The following IL1RAPL1 variants were observed in gnomAD, a reference collection of about 807,000 sequenced individuals.
IL1RAPL1 encodes the protein interleukin 1 receptor accessory protein like 1, also known as interleukin-1 receptor accessory protein-like 1.
A neutral mutation model predicts 48.4 loss-of-function variants in IL1RAPL1; 3 were observed. The observed-to-expected ratio is 0.06, with a 90% CI of 0.03 to 0.16. The LOEUF is 0.16. IL1RAPL1 is among the 10% of genes least tolerant of loss of function. The probability of loss-of-function intolerance (pLI) is 1.00; values close to 1 mark genes in which losing one functional copy is unlikely to be tolerated. For synonymous variants in IL1RAPL1, 185 were observed against 187.7 expected (o/e 0.99, Z 0.12); for missense variants, 349 against 530.6 (o/e 0.66, Z 3.36).
intron 6 of IL1RAPL1, among the ~76,000 whole-genome samples, chrX:29,828,542 T>C (rs1355813588): frequency 8.9e-6 from 1 of 111,858 alleles, no homozygotes; most frequent in Non-Finnish European, 1.9e-5. Flanking sequence ...TTAAGGATGA[T>C]TGAAAGATTT....
At chrX:28,968,315 G>A (rs1156240178) in intron 2 of IL1RAPL1, among the ~76,000 whole-genome samples, 1 of 110,922 alleles carries the variant, frequency 9.0e-6, no homozygotes, top group Non-Finnish European at 1.9e-5. Context: ...ATTAATTTGG[G>A]GGGCTGAGAT....
At chrX:29,440,950 A>ATGTATGCAG (rs1345627486) in intron 5 of IL1RAPL1, among the ~76,000 whole-genome samples, 1 of 112,151 alleles carries the variant, frequency 8.9e-6, no homozygotes, top group Non-Finnish European at 1.9e-5. Context: ...GATGTGATTA[A>ATGTATGCAG]TGTATGCAGT....
intron 2 of IL1RAPL1, among the ~76,000 whole-genome samples, chrX:29,176,855 A>G (rs1930035134): frequency 9.0e-6 from 1 of 111,185 alleles, no homozygotes; most frequent in Admixed American, 9.6e-5. Flanking sequence ...TGACAAGCAG[A>G]GGGAGATTGG....
At chrX:29,878,620 T>C (rs767754517) in intron 6 of IL1RAPL1, among the ~76,000 whole-genome samples, 1 of 112,132 alleles carries the variant, frequency 8.9e-6, no homozygotes, top group African/African-American at 3.2e-5. Context: ...ATCTGAGGTT[T>C]TGTATTATCT....
intron 1 of IL1RAPL1, among the ~76,000 whole-genome samples, chrX:28,788,069 C>G (rs1274641890): frequency 1.8e-5 from 2 of 111,281 alleles, no homozygotes; most frequent in Non-Finnish European, 3.8e-5. Context: ...TTCTGGGGAT[C>G]TAATGTACAG....
At chrX:29,164,170 G>A (rs1929741026) in intron 2 of IL1RAPL1, among the ~76,000 whole-genome samples, 1 of 111,264 alleles carries the variant, frequency 9.0e-6, no homozygotes, top group African/African-American at 3.3e-5. Flanking sequence ...TTCTTCCTTT[G>A]TGACCTGACT....
At chrX:29,915,345 A>T (rs985922793) in intron 6 of IL1RAPL1, among the ~76,000 whole-genome samples, 1 of 111,875 alleles carries the variant, frequency 8.9e-6, no homozygotes, top group Admixed American at 9.5e-5. Flanking sequence ...AATCTCTTGG[A>T]GAACATGCAG....
chrX:29,812,905 A>T (rs2147178711), intron 6 of IL1RAPL1, among the ~76,000 whole-genome samples: 1 of 111,500 alleles, frequency 9.0e-6, no homozygotes, highest in South Asian at 3.8e-4. Context: ...AGGTGAAAAA[A>T]AATTCAAAGC....
chrX:28,773,752 T>A (rs736097), intron 1 of IL1RAPL1, among the ~76,000 whole-genome samples: 6,044 of 111,639 alleles, frequency 0.054, 278 homozygotes, highest in African/African-American at 0.15. Context: ...TCCCCATGAG[T>A]ATACAAATAT....
intron 5 of IL1RAPL1, among the ~76,000 whole-genome samples, chrX:29,450,662 C>T (rs897434392): frequency 3.6e-5 from 4 of 111,496 alleles, no homozygotes; most frequent in African/African-American, 1.3e-4. Context: ...TCCAATCATT[C>T]AACCTTTAAA....
At chrX:28,829,638 C>T (rs1200862023) in intron 2 of IL1RAPL1, among the ~76,000 whole-genome samples, 1 of 104,775 alleles carries the variant, frequency 9.5e-6, no homozygotes, top group Non-Finnish European at 1.9e-5. Context: ...CGGCTCACTT[C>T]AACCTCTGCC....
intron 6 of IL1RAPL1, among the ~76,000 whole-genome samples, chrX:29,704,994 T>C (rs916435201): frequency 1.8e-5 from 2 of 111,465 alleles, no homozygotes; most frequent in African/African-American, 6.5e-5. Context: ...TGGTAAAGTC[T>C]GGGCTTCTGG....
At chrX:29,899,945 T>C (rs1932465861) in intron 6 of IL1RAPL1, among the ~76,000 whole-genome samples, 1 of 111,824 alleles carries the variant, frequency 8.9e-6, no homozygotes, top group Non-Finnish European at 1.9e-5. Context: ...CATTTTGAGC[T>C]TCAGTTGTTC....
At chrX:29,485,998 T>TA (rs748927607) in intron 5 of IL1RAPL1, among the ~76,000 whole-genome samples, 1 of 111,479 alleles carries the variant, frequency 9.0e-6, no homozygotes, top group African/African-American at 3.3e-5. Flanking sequence ...GGGACCTTGC[T>TA]AAAAATGCAT....
chrX:29,115,001 A>G (rs1428298438), intron 2 of IL1RAPL1, among the ~76,000 whole-genome samples: 6 of 111,814 alleles, frequency 5.4e-5, no homozygotes, highest in Non-Finnish European at 9.4e-5. Flanking sequence ...ACGAATTTTT[A>G]AAATTATTCC....
chrX:28,894,468 G>A (rs945763538), intron 2 of IL1RAPL1, among the ~76,000 whole-genome samples: 1 of 111,576 alleles, frequency 9.0e-6, no homozygotes, highest in African/African-American at 3.3e-5. Context: ...ATGGGGGTCA[G>A]GTGTGGTATC....
At chrX:28,858,102 C>T (rs758099906) in intron 2 of IL1RAPL1, among the ~76,000 whole-genome samples, 1 of 112,111 alleles carries the variant, frequency 8.9e-6, no homozygotes, top group African/African-American at 3.2e-5. Context: ...AGCCAAAGAT[C>T]TACAGTGAGG....
At chrX:29,884,050 C>T (rs1932085814) in intron 6 of IL1RAPL1, among the ~76,000 whole-genome samples, 2 of 111,417 alleles carry the variant, frequency 1.8e-5, no homozygotes, top group East Asian at 5.7e-4. Context: ...ATTAGCCACT[C>T]ACCTAACTGC....
intron 2 of IL1RAPL1, among the ~76,000 whole-genome samples, chrX:28,992,091 G>C (rs1925617395): frequency 8.9e-6 from 1 of 112,037 alleles, no homozygotes; most frequent in African/African-American, 3.2e-5. Flanking sequence ...AAACTTGGTA[G>C]TCAATAATGG....
Sources: allele counts gnomAD v4.1 joint callset (sites outside exome capture counted in the v4.1 genomes callset), GRCh38; gene constraint gnomAD v4.1.1; transcripts MANE v1.5; gene names NCBI Gene and HGNC (gene_info 2026-07-23, HGNC 2026-07-21).